The following MSH3 variants were observed in gnomAD, a reference collection of about 807,000 sequenced individuals.
MSH3 encodes DNA mismatch repair protein Msh3.
A neutral mutation model predicts 123.3 loss-of-function variants in MSH3; 106 were observed. The ratio of observed to expected loss-of-function variants is 0.86; its 90% CI spans 0.73 to 1.01. MSH3 has a LOEUF of 1.01. Among genes scored for constraint, MSH3 ranks in the 50% least tolerant of loss-of-function variants. MSH3 has a pLI of 0.00. For missense variants in MSH3, 1,459 were observed against 1,347.6 expected (o/e 1.08, Z -1.29); for synonymous variants, 515 against 481.4 (o/e 1.07, Z -0.91).
At chr5:80,679,613 G>A (rs1009086460) in intron 8 of MSH3, among the ~76,000 whole-genome samples, 8 of 152,208 alleles carry the variant, frequency 5.3e-5, no homozygotes, top group African/African-American at 1.9e-4. Context: ...GCTGTGTCCA[G>A]TGGTTTTGTT....
intron 8 of MSH3, among the ~76,000 whole-genome samples, chr5:80,685,749 T>G (rs1750073690): frequency 1.3e-5 from 2 of 152,070 alleles, no homozygotes; most frequent in South Asian, 4.1e-4. Context: ...ATTTGGTTAT[T>G]TATTTGAAAT....
chr5:80,819,594 T>C (rs1447819884), intron 20 of MSH3, among the ~76,000 whole-genome samples: 1 of 151,468 alleles, frequency 6.6e-6, no homozygotes, highest in African/African-American at 2.4e-5. Context: ...TCAAGCTATT[T>C]TCCTGCCTCA....
At chr5:80,665,968 A>G (rs1275400861) in intron 3 of MSH3, among the ~76,000 whole-genome samples, 1 of 152,256 alleles carries the variant, frequency 6.6e-6, no homozygotes, top group Admixed American at 6.5e-5. Flanking sequence ...ACTTCAAACA[A>G]AAATTGCCAT....
At chr5:80,777,890 C>G (rs1330034720) in intron 16 of MSH3, among the ~76,000 whole-genome samples, 4 of 152,204 alleles carry the variant, frequency 2.6e-5, no homozygotes, top group Non-Finnish European at 5.9e-5. Flanking sequence ...ACCACCACCA[C>G]AACCACAATA....
chr5:80,692,648 A>ATATGTT lies in MSH3; in HGVS notation c.1340+13557_1340+13558insTGTTTA, dbSNP rs1271690283. Among the ~76,000 whole-genome samples the ATATGTT allele has an allele frequency of 1.5e-5, 2 of 134,484 alleles. 1 individual carries two copies. Among genetic ancestry groups the ATATGTT allele is most frequent in the African/African-American group, 6.1e-5 (2 of 33,012 alleles). 88.2% of individuals were successfully genotyped at this position (134,484 alleles called of 152,430 possible). A position where few individuals can be genotyped will look rare whatever the true frequency, so the allele number is the denominator to read the frequency against. On this transcript the variant is annotated intron_variant, in intron 8 of 23. Transcript: ENST00000265081. ...CATGTATATGTTTATATATGTTTAT[A>ATATGTT]TAGATATATATATACACATGTATAT...
At chr5:80,698,673 A>G (rs1750538269) in intron 8 of MSH3, among the ~76,000 whole-genome samples, 1 of 152,134 alleles carries the variant, frequency 6.6e-6, no homozygotes, top group Admixed American at 6.5e-5. Context: ...AAAGCTGGAA[A>G]CCATCATTCT....
At position 80,787,636 on chromosome 5, in the gene MSH3, C is replaced by T. The variant is rs1744532625; in HGVS notation, c.2507C>T (p.Ser836Phe). 2 of 1,613,882 alleles carry T rather than the reference C, an allele frequency of 1.2e-6. No individual in the cohort carries two copies. Among genetic ancestry groups the T allele is most frequent in the Middle Eastern group, 1.7e-4 (1 of 6,056 alleles). The change falls in exon 18 of 24, where the codon TCC becomes TTC. Residue 836 changes from serine to phenylalanine, a missense_variant. Ser to Phe is a radical substitution (Grantham distance 155). Coordinates refer to ENST00000265081, the MANE Select transcript of MSH3 (RefSeq NM_002439.5). Reference sequence around the variant, plus strand: ...CTAGCAACTGTTGACTGCATTTTCTCCCTGGCCAAGGTCGCTAAGCAAGGA... The same window carrying T: ...CTAGCAACTGTTGACTGCATTTTCTTCCTGGCCAAGGTCGCTAAGCAAGGA... ...HHLATVDCIF[S>F]LAKVAKQGDY... is the part of the protein sequence containing the mutation.
chr5:80,714,855 A>G (rs1750926851), intron 8 of MSH3, among the ~76,000 whole-genome samples: 1 of 152,220 alleles, frequency 6.6e-6, no homozygotes, highest in Non-Finnish European at 1.5e-5. Context: ...GTATTGAGGA[A>G]GTCTACAGGA....
chr5:80,654,905 G>GCTGCAGCGGCCGCAGCGC lies in MSH3; in HGVS notation c.179_180insTGCAGCGGCCGCAGCGCC (p.Ala62_Pro63insAlaAlaAlaProAlaAla), dbSNP rs1554066077. The GCTGCAGCGGCCGCAGCGC allele has an allele frequency of 6.0e-6, 9 of 1,494,406 alleles. No homozygotes were observed. Among genetic ancestry groups the GCTGCAGCGGCCGCAGCGC allele is most frequent in the Non-Finnish European group, 7.1e-6 (8 of 1,126,564 alleles). The allele number at this position is 1,494,406 out of a possible 1,614,324, so 92.6% of individuals were successfully genotyped here. On this transcript the variant is annotated inframe_insertion, in exon 1 of 24. Transcript: ENST00000265081. ...TGCAGCGGCTGCAGCGGCCGCAGCGGCCGCAGCGCCCCCAGCGCCCCCAGC... is the reference window on the plus strand; with the variant it reads ...TGCAGCGGCTGCAGCGGCCGCAGCGGCTGCAGCGGCCGCAGCGCCCGCAGCGCCCCCAGCGCCCCCAGC...
intron 20 of MSH3, among the ~76,000 whole-genome samples, chr5:80,832,795 G>T (rs969083427): frequency 6.6e-6 from 1 of 151,576 alleles, no homozygotes; most frequent in Admixed American, 6.6e-5. Flanking sequence ...TGTTGTAATA[G>T]GAATAATCAT....
At chr5:80,864,770 A>T (rs1306501953) in intron 21 of MSH3, 43 bp from the exon 22 acceptor site, 4 of 1,513,592 alleles carry the variant, frequency 2.6e-6, no homozygotes. Context: ...ATTACAATAA[A>T]ATTTAAAAAT....
intron 15 of MSH3, among the ~76,000 whole-genome samples, chr5:80,774,678 G>C (rs1744269670): frequency 6.6e-6 from 1 of 152,178 alleles, no homozygotes. Context: ...ATGGATTATG[G>C]AGGTCATTAT....
At chr5:80,817,576 A>C (rs1745128511) in intron 20 of MSH3, among the ~76,000 whole-genome samples, 1 of 152,158 alleles carries the variant, frequency 6.6e-6, no homozygotes, top group Non-Finnish European at 1.5e-5. Flanking sequence ...TAAATAAATT[A>C]ATTAATTAAT....
intron 12 of MSH3, chr5:80,746,395 A>G (rs1743721368): frequency 2.4e-6 from 1 of 423,404 alleles, no homozygotes; most frequent in Non-Finnish European, 4.7e-6. Context: ...TTCTTCAGTA[A>G]AGTCATTTTT....
chr5:80,864,190 C>T lies in MSH3; in HGVS notation c.3001-623C>T, dbSNP rs181865784. On this transcript the variant is annotated intron_variant, in intron 21 of 23. Transcript: ENST00000265081. ...AATCCATGATATGTAGGGCATGACT[C>T]CCTGGACCCCTTAGGTAGGAATTTG... 2.0e-3 allele frequency among the ~76,000 whole-genome samples: 298 copies of T among 152,206 alleles called. 1 individual carries two copies. The highest frequency in any genetic ancestry group is 8.5e-3 in the South Asian group (41 of 4,820).
chr5:80,763,218 A>C (rs1744072120), intron 13 of MSH3, among the ~76,000 whole-genome samples: 1 of 152,172 alleles, frequency 6.6e-6, no homozygotes, highest in African/African-American at 2.4e-5. Flanking sequence ...TTTTACCCCC[A>C]CAGAGTTTTA....
intron 8 of MSH3, among the ~76,000 whole-genome samples, chr5:80,713,513 C>T (rs981903782): frequency 3.3e-5 from 5 of 152,256 alleles, no homozygotes; most frequent in African/African-American, 1.2e-4. Context: ...GGGAGGAGCA[C>T]ATCTTCTGTT....
intron 19 of MSH3, among the ~76,000 whole-genome samples, chr5:80,800,295 T>C (rs974237262): frequency 6.6e-6 from 1 of 152,224 alleles, no homozygotes; most frequent in Non-Finnish European, 1.5e-5. Flanking sequence ...ACTTGCTCTG[T>C]GTGTGGCCTC....
chr5:80,834,864 GGTGACT>G (rs1745482501), intron 20 of MSH3, among the ~76,000 whole-genome samples: 1 of 151,936 alleles, frequency 6.6e-6, no homozygotes, highest in Non-Finnish European at 1.5e-5. Flanking sequence ...GGCATGTAGG[GGTGACT>G]CAAAAAACTC....
Sources: gnomAD v4.1 joint callset for allele counts (sites outside exome capture counted in the v4.1 genomes callset) on GRCh38, gnomAD v4.1.1 for gene constraint, MANE v1.5 for transcripts, NCBI Gene and HGNC (gene_info 2026-07-23, HGNC 2026-07-21) for gene names.